Variants in RFX8 observed in about 807,000 individuals in gnomAD.
RFX8 encodes regulatory factor X8.
A neutral mutation model predicts 54.6 loss-of-function variants in RFX8; 46 were observed. The observed-to-expected ratio is 0.84, with a 90% CI of 0.67 to 1.08. RFX8 has a LOEUF of 1.08. Among genes scored for constraint, RFX8 ranks in the 50% least tolerant of loss-of-function variants. The pLI is 0.00. For missense variants in RFX8, 536 were observed against 562.3 expected (o/e 0.95, Z 0.47); for synonymous variants, 192 against 209.5 (o/e 0.92, Z 0.72).
chr2:101,403,658 G>A (rs1047828213), intron 10 of RFX8, among the ~76,000 whole-genome samples: 19 of 151,996 alleles, frequency 1.3e-4, no homozygotes, highest in African/African-American at 4.1e-4. Flanking sequence ...AGGGTGGCAC[G>A]TGCCTGTAGT....
chr2:101,431,341 C>G (rs1157963873), intron 2 of RFX8, among the ~76,000 whole-genome samples: 1 of 152,204 alleles, frequency 6.6e-6, no homozygotes, highest in African/African-American at 2.4e-5. Context: ...GTTATGACAG[C>G]TGAAGTGTCG....
chr2:101,445,707 G>A (rs1367763029), intron 2 of RFX8, among the ~76,000 whole-genome samples: 1 of 152,070 alleles, frequency 6.6e-6, no homozygotes, highest in East Asian at 1.9e-4. Flanking sequence ...TGGGATTACA[G>A]GCAGGAGCCA....
intron 1 of RFX8, among the ~76,000 whole-genome samples, chr2:101,472,951 G>A (rs1022154549): frequency 2.6e-5 from 4 of 152,034 alleles, no homozygotes; most frequent in Non-Finnish European, 4.4e-5. Flanking sequence ...CTCAGGAGGC[G>A]GAGGTCACAG....
At chr2:101,454,118 A>G (rs1459792054) in intron 2 of RFX8, among the ~76,000 whole-genome samples, 1 of 151,076 alleles carries the variant, frequency 6.6e-6, no homozygotes, top group African/African-American at 2.4e-5. Context: ...TCATTGTTCA[A>G]TTCCCACCTA....
intron 9 of RFX8, among the ~76,000 whole-genome samples, chr2:101,409,187 C>T (rs182429503): frequency 1.7e-4 from 26 of 152,230 alleles, no homozygotes; most frequent in Admixed American, 1.0e-3. Context: ...AGGTGGGGCC[C>T]GGGCTGCCTC....
chr2:101,439,346 C>T (rs917851011), intron 2 of RFX8, among the ~76,000 whole-genome samples: 1 of 152,176 alleles, frequency 6.6e-6, no homozygotes, highest in African/African-American at 2.4e-5. Flanking sequence ...GTCTTTCCCT[C>T]CTCTTCACAT....
chr2:101,456,157 A>G (rs1031883154), intron 2 of RFX8, among the ~76,000 whole-genome samples: 2 of 152,208 alleles, frequency 1.3e-5, no homozygotes, highest in African/African-American at 4.8e-5. Context: ...GTCATCTGCA[A>G]ACAGGGATAA....
At chr2:101,469,355 G>T (rs1689849593) in intron 1 of RFX8, among the ~76,000 whole-genome samples, 1 of 151,678 alleles carries the variant, frequency 6.6e-6, no homozygotes, top group African/African-American at 2.4e-5. Context: ...GTCTCACTAT[G>T]TTGCCCAAGC....
At chr2:101,429,823 C>T (rs1050560031) in intron 2 of RFX8, among the ~76,000 whole-genome samples, 12 of 152,116 alleles carry the variant, frequency 7.9e-5, no homozygotes, top group South Asian at 2.1e-4. Flanking sequence ...TTCTGGAAGC[C>T]GGGCAATTGT....
rs750337240 is a variant in RFX8 at position 101,402,574 on chromosome 2, C to T, written c.1107G>A (p.Ser369=). 29 of 1,551,752 alleles carry T rather than the reference C, an allele frequency of 1.9e-5. No homozygotes were observed. The highest frequency in any genetic ancestry group is 1.4e-4 in the South Asian group (12 of 84,064). Residue 369 remains serine, a synonymous_variant, in exon 11 of 12, where the codon TCG becomes TCA. Coordinates refer to ENST00000428343, the MANE Select transcript of RFX8 (RefSeq NM_001145664.2). ...ALFHSLNSSL[S]QACASPSMEP... ...CCATGCTGGGGCTGGCACACGCCTG[C>T]GACAGTGAGGAATTCAGAGAATGGA...
chr2:101,406,689 A>T (rs1188541614), intron 9 of RFX8, among the ~76,000 whole-genome samples: 2 of 152,274 alleles, frequency 1.3e-5, no homozygotes, highest in Non-Finnish European at 1.5e-5. Flanking sequence ...TGACACAGAA[A>T]CACCGTAGGG....
intron 6 of RFX8, 74 bp from the exon 7 acceptor site, chr2:101,414,986 T>C (rs1558847702): frequency 1.7e-6 from 2 of 1,207,476 alleles, no homozygotes; most frequent in Non-Finnish European, 1.2e-6. Flanking sequence ...GAAGAGAAGG[T>C]GCATGTTTGG....
At chr2:101,427,503 G>A (rs569481397) in intron 2 of RFX8, among the ~76,000 whole-genome samples, 1 of 152,248 alleles carries the variant, frequency 6.6e-6, no homozygotes, top group Admixed American at 6.5e-5. Flanking sequence ...TCCCTAGAAT[G>A]TCCGGGAGGA....
chr2:101,423,508 A>G (rs1270818893), intron 2 of RFX8, among the ~76,000 whole-genome samples: 2 of 152,166 alleles, frequency 1.3e-5, no homozygotes, highest in African/African-American at 4.8e-5. Context: ...AGGATGAAAG[A>G]ATTCCTCCAA....
intron 1 of RFX8, among the ~76,000 whole-genome samples, chr2:101,472,028 T>C (rs1247656652): frequency 6.6e-6 from 1 of 152,142 alleles, no homozygotes; most frequent in Non-Finnish European, 1.5e-5. Flanking sequence ...GGTAACACCT[T>C]CCAGGCTTTG....
chr2:101,416,770 A>G (rs1257528748), intron 6 of RFX8, among the ~76,000 whole-genome samples: 1 of 152,064 alleles, frequency 6.6e-6, no homozygotes, highest in Non-Finnish European at 1.5e-5. Context: ...CACAAAGAGG[A>G]TAGATTTATA....
intron 2 of RFX8, among the ~76,000 whole-genome samples, chr2:101,458,954 T>C (rs1201056374): frequency 6.6e-6 from 1 of 152,242 alleles, no homozygotes. Flanking sequence ...CTTTATTTCA[T>C]TAATTTGATC....
intron 9 of RFX8, among the ~76,000 whole-genome samples, chr2:101,406,824 C>A (rs546617545): frequency 1.3e-5 from 2 of 152,260 alleles, no homozygotes; most frequent in East Asian, 3.9e-4. Flanking sequence ...TAATGAAAAG[C>A]AGTGGTGCCT....
At chr2:101,451,914 G>C (rs891181913) in intron 2 of RFX8, among the ~76,000 whole-genome samples, 3 of 151,956 alleles carry the variant, frequency 2.0e-5, no homozygotes, top group African/African-American at 7.3e-5. Flanking sequence ...GGCAATTTAG[G>C]AAAACCTCGT....
Sources: gnomAD v4.1 joint callset for allele counts (sites outside exome capture counted in the v4.1 genomes callset) on GRCh38, gnomAD v4.1.1 for gene constraint, MANE v1.5 for transcripts, NCBI Gene and HGNC (gene_info 2026-07-23, HGNC 2026-07-21) for gene names.